The following ZNF362 variants were observed in gnomAD, a reference collection of about 807,000 sequenced individuals.
The protein encoded by ZNF362 is rotund homolog.
In ZNF362, 11 loss-of-function variants were observed where a neutral mutation model predicts 42.9. The observed-to-expected ratio is 0.26, with a 90% CI of 0.16 to 0.42. The LOEUF (loss-of-function observed/expected upper bound fraction) is 0.42. Among genes scored for constraint, ZNF362 ranks in the 20% least tolerant of loss-of-function variants. The probability of loss-of-function intolerance (pLI) is 1.00; values close to 1 mark genes in which losing one functional copy is unlikely to be tolerated. For synonymous variants in ZNF362, 255 were observed against 257.3 expected, an observed-to-expected ratio of 0.99 and a Z score of 0.09; for missense variants, 362 against 576.2, an observed-to-expected ratio of 0.63 and a Z score of 3.81.
intron 6 of ZNF362, among the ~76,000 whole-genome samples, chr1:33,283,250 G>A (rs780285626): frequency 7.9e-5 from 12 of 152,082 alleles, no homozygotes; most frequent in Non-Finnish European, 7.4e-5. Context: ...GATTACAGGC[G>A]TGTGCCACCA....
chr1:33,296,305 GTCT>G, intron 8 of ZNF362, among the ~76,000 whole-genome samples: 1 of 152,226 alleles, frequency 6.6e-6, no homozygotes, highest in East Asian at 2.0e-4. Context: ...GCCAAAAAAT[GTCT>G]TCAGGGATGA....
the ZNF362 span, among the ~76,000 whole-genome samples, chr1:33,219,661 A>T: frequency 6.6e-6 from 1 of 152,056 alleles, no homozygotes; most frequent in Non-Finnish European, 1.5e-5. Flanking sequence ...ACAGCCAAGG[A>T]GTAGGGGCAG....
the ZNF362 span, among the ~76,000 whole-genome samples, chr1:33,225,158 ATTC>A: frequency 6.6e-6 from 1 of 152,094 alleles, no homozygotes; most frequent in African/African-American, 2.4e-5. Context: ...CTACTTGATT[ATTC>A]TTCTCTCTCA....
At chr1:33,129,593 C>T in the ZNF362 span, among the ~76,000 whole-genome samples, 5 of 152,198 alleles carry the variant, frequency 3.3e-5, no homozygotes, top group Non-Finnish European at 7.3e-5. This position sits in a 1 kb window ranked among gnomAD's most constrained non-coding sequence, Gnocchi z 4.1. Context: ...CCACAATCTG[C>T]TAAATATGTA....
At chr1:33,176,278 C>A in the ZNF362 span, 1 of 509,036 alleles carries the variant, frequency 2.0e-6, no homozygotes. Flanking sequence ...ACTTCCATTT[C>A]TCAGATTGGG....
intron 6 of ZNF362, among the ~76,000 whole-genome samples, chr1:33,292,192 T>C (rs1188402921): frequency 6.6e-6 from 1 of 152,224 alleles, no homozygotes; most frequent in African/African-American, 2.4e-5. Flanking sequence ...CAGTATGATA[T>C]TGGCTGTGGG....
intron 6 of ZNF362, among the ~76,000 whole-genome samples, chr1:33,293,352 C>G (rs566568192): frequency 8.5e-5 from 13 of 152,200 alleles, no homozygotes; most frequent in Middle Eastern, 3.4e-3. Context: ...GGAGGGGATG[C>G]TGGACCACCT....
the ZNF362 span, among the ~76,000 whole-genome samples, chr1:33,240,231 T>A: frequency 6.6e-6 from 1 of 152,188 alleles, no homozygotes; most frequent in Non-Finnish European, 1.5e-5. Flanking sequence ...GACAATCACC[T>A]GCTTCCTGAT....
intron 1 of ZNF362, among the ~76,000 whole-genome samples, chr1:33,262,238 T>C (rs2148064902): frequency 6.6e-6 from 1 of 151,658 alleles, no homozygotes; most frequent in Middle Eastern, 3.4e-3. Flanking sequence ...AGGGTACTCT[T>C]GGTGGGGTCT....
chr1:33,208,601 T>G, the ZNF362 span, among the ~76,000 whole-genome samples: 1 of 152,204 alleles, frequency 6.6e-6, no homozygotes. Flanking sequence ...CCTCTTTTAT[T>G]TTGTTGAGCA....
chr1:33,196,082 T>TA, the ZNF362 span: 1 of 152,170 alleles, frequency 6.6e-6, no homozygotes, highest in African/African-American at 2.4e-5. Context: ...ACTTCTTTGT[T>TA]AAAACCAAAG....
At chr1:33,158,548 T>C in the ZNF362 span, among the ~76,000 whole-genome samples, 1 of 152,236 alleles carries the variant, frequency 6.6e-6, no homozygotes. Context: ...ATTCCCTCAG[T>C]CTTCTCATCT....
chr1:33,227,984 C>T, the ZNF362 span, among the ~76,000 whole-genome samples: 25 of 152,140 alleles, frequency 1.6e-4, no homozygotes, highest in Non-Finnish European at 1.2e-4. Flanking sequence ...TGCCCTGACT[C>T]GGAATTGTGA....
chr1:33,176,710 G>A, the ZNF362 span, among the ~76,000 whole-genome samples: 2 of 152,200 alleles, frequency 1.3e-5, no homozygotes, highest in Non-Finnish European at 1.5e-5. Flanking sequence ...GCTCAGGGAC[G>A]GTATGTGGCC....
At chr1:33,180,233 A>T in the ZNF362 span, among the ~76,000 whole-genome samples, 1 of 151,668 alleles carries the variant, frequency 6.6e-6, no homozygotes, top group Non-Finnish European at 1.5e-5. Flanking sequence ...ACCTCTAGAG[A>T]CTCCTAGAGG....
the ZNF362 span, among the ~76,000 whole-genome samples, chr1:33,249,743 G>A: frequency 6.6e-6 from 1 of 152,284 alleles, no homozygotes; most frequent in Admixed American, 6.5e-5. Flanking sequence ...GTGTGGGTAA[G>A]TGCAGGCTGG....
At chr1:33,193,293 T>G in the ZNF362 span, among the ~76,000 whole-genome samples, 1 of 152,172 alleles carries the variant, frequency 6.6e-6, no homozygotes, top group Non-Finnish European at 1.5e-5. Context: ...TGTGTGATGG[T>G]GGCAGTGATG....
At chr1:33,189,696 T>C in the ZNF362 span, among the ~76,000 whole-genome samples, 857 of 94,114 alleles carry the variant, frequency 9.1e-3, 47 homozygotes, top group African/African-American at 0.023. Flanking sequence ...TATATATATA[T>C]ACACATATAT....
the ZNF362 span, chr1:33,158,432 C>T: frequency 2.3e-6 from 3 of 1,323,414 alleles, no homozygotes; most frequent in Middle Eastern, 1.8e-4. Flanking sequence ...TGCCAGGGGC[C>T]CCGCAGCCAC....
Sources: gnomAD v4.1 joint callset for allele counts (sites outside exome capture counted in the v4.1 genomes callset) on GRCh38, gnomAD v4.1.1 for gene constraint, Gnocchi (gnomAD v3.1) non-coding constraint, MANE v1.5 for transcripts, NCBI Gene and HGNC (gene_info 2026-07-23, HGNC 2026-07-21) for gene names.